CAMKMT: variants seen among roughly 807,000 people sequenced by gnomAD.
CAMKMT encodes CaM KMT.
CAMKMT carries 53 observed loss-of-function variants against 48.0 expected under a neutral mutation model. The observed-to-expected ratio is 1.10, with a 90% confidence interval of 0.89 to 1.39. The LOEUF (loss-of-function observed/expected upper bound fraction) is 1.39. Ranked by LOEUF, CAMKMT falls within the 40% of genes most tolerant of loss-of-function variation. CAMKMT has a pLI of 0.00. For synonymous variants in CAMKMT, 165 were observed against 152.3 expected (o/e 1.08, Z -0.61); for missense variants, 428 against 402.7 (o/e 1.06, Z -0.54).
intron 3 of CAMKMT, among the ~76,000 whole-genome samples, chr2:44,419,608 C>T (rs1025267107): frequency 2.6e-5 from 4 of 152,198 alleles, no homozygotes; most frequent in Admixed American, 2.6e-4. Context: ...AAAAGACAGT[C>T]TCGCTCTGTC....
In CAMKMT at chr2:44,485,102, A is replaced by G. The variant is rs140756721; in HGVS notation, c.376+94797A>G. Reference sequence around the variant, plus strand: ...ATAACGTTGAGCAATTGAAACTCATATACACTACTAATGGAAAAACCATTT... The same window carrying G: ...ATAACGTTGAGCAATTGAAACTCATGTACACTACTAATGGAAAAACCATTT... On this transcript the variant is annotated intron_variant, in intron 3 of 10. Coordinates refer to ENST00000378494, the MANE Select transcript of CAMKMT (RefSeq NM_024766.5). 2.2e-4 allele frequency among the ~76,000 whole-genome samples: 34 copies of G among 152,328 alleles called. No homozygotes were observed. The East Asian group carries it at 4.4e-3, about 20-fold the overall frequency.
chr2:44,534,431 C>T (rs1003371979), intron 3 of CAMKMT, among the ~76,000 whole-genome samples: 12 of 152,134 alleles, frequency 7.9e-5, no homozygotes, highest in Non-Finnish European at 1.8e-4. Context: ...CTCCAGAGTG[C>T]ACATTCTTCT....
At chr2:44,393,275 T>A (rs1681520778) in intron 3 of CAMKMT, 1 of 152,196 alleles carries the variant, frequency 6.6e-6, no homozygotes, top group Non-Finnish European at 1.5e-5. Context: ...TGTATTTACT[T>A]TTTTGTATAG....
chr2:44,417,456 T>C (rs1429971984), intron 3 of CAMKMT, among the ~76,000 whole-genome samples: 1 of 152,182 alleles, frequency 6.6e-6, no homozygotes, highest in Non-Finnish European at 1.5e-5. Flanking sequence ...TATTCATCTA[T>C]TGATAGACAT....
intron 3 of CAMKMT, among the ~76,000 whole-genome samples, chr2:44,465,164 T>A (rs1310833334): frequency 6.6e-6 from 1 of 152,130 alleles, no homozygotes; most frequent in Non-Finnish European, 1.5e-5. Flanking sequence ...AATGAAATAT[T>A]TATATGTGAT....
At chr2:44,564,991 C>G (rs1158844207) in intron 3 of CAMKMT, among the ~76,000 whole-genome samples, 3 of 152,216 alleles carry the variant, frequency 2.0e-5, no homozygotes, top group African/African-American at 7.2e-5. Context: ...ATTTCCAGGG[C>G]TATCCACTGT....
chr2:44,602,163 AC>A (rs1346716226), intron 3 of CAMKMT, among the ~76,000 whole-genome samples: 1 of 151,682 alleles, frequency 6.6e-6, no homozygotes, highest in African/African-American at 2.4e-5. Flanking sequence ...ACACCCCCAC[AC>A]CTGGCTGATT....
intron 3 of CAMKMT, among the ~76,000 whole-genome samples, chr2:44,607,385 A>T (rs912369615): frequency 6.6e-6 from 1 of 152,222 alleles, no homozygotes; most frequent in African/African-American, 2.4e-5. Context: ...ATGAATGTCT[A>T]AAAAGTATTT....
chr2:44,393,321 GTT>G (rs1466651600), intron 3 of CAMKMT: 1 of 152,172 alleles, frequency 6.6e-6, no homozygotes, highest in Non-Finnish European at 1.5e-5. Context: ...ACTGCAAAGT[GTT>G]TTATATTTTT....
chr2:44,496,914 T>C (rs963404849), intron 3 of CAMKMT, among the ~76,000 whole-genome samples: 6 of 152,198 alleles, frequency 3.9e-5, no homozygotes, highest in African/African-American at 1.4e-4. Flanking sequence ...GTTGGGATCA[T>C]TTGTTGCATT....
rs72879346 is a variant in CAMKMT, at chr2:44,512,083, G to A, written c.376+121778G>A. Among the ~76,000 whole-genome samples, 762 of 152,208 alleles carry A rather than the reference G, an allele frequency of 5.0e-3. 1 individual carries two copies. Among genetic ancestry groups the A allele is most frequent in the African/African-American group, 0.015 (624 of 41,530 alleles). On this transcript the variant is annotated intron_variant, in intron 3 of 10. Transcript: ENST00000378494. ...GTTCTTCCGATTGCGTCTTCCTTAC[G>A]TCAGCCATGACACTTGTAGTCACTG...
chr2:44,735,349 C>T (rs1299855381), intron 7 of CAMKMT, among the ~76,000 whole-genome samples: 1 of 152,196 alleles, frequency 6.6e-6, no homozygotes, highest in Non-Finnish European at 1.5e-5. Context: ...TTGTTTAGTA[C>T]AGTTACTGAT....
intron 3 of CAMKMT, among the ~76,000 whole-genome samples, chr2:44,408,537 G>C (rs1261763424): frequency 6.6e-6 from 1 of 152,016 alleles, no homozygotes; most frequent in South Asian, 2.1e-4. Context: ...TTCAGATGAA[G>C]AAACTGTATC....
chr2:44,605,853 A>G (rs1671250555), intron 3 of CAMKMT, among the ~76,000 whole-genome samples: 1 of 152,198 alleles, frequency 6.6e-6, no homozygotes, highest in Non-Finnish European at 1.5e-5. Flanking sequence ...ATGTTGGCAT[A>G]GAAGGAAAAA....
chr2:44,508,627 G>A (rs1465751433), intron 3 of CAMKMT, among the ~76,000 whole-genome samples: 1 of 152,162 alleles, frequency 6.6e-6, no homozygotes, highest in Non-Finnish European at 1.5e-5. Context: ...TGTAGGATGT[G>A]TAGTAAAAGG....
chr2:44,659,330 A>T (rs1257819093), intron 3 of CAMKMT, among the ~76,000 whole-genome samples: 1 of 151,864 alleles, frequency 6.6e-6, no homozygotes, highest in Non-Finnish European at 1.5e-5. Context: ...GGGAGGCTGA[A>T]GTGGAAGGAC....
At chr2:44,704,382 G>A (rs544130086) in intron 4 of CAMKMT, 39 bp downstream of exon 4, 28 of 1,344,104 alleles carry the variant, frequency 2.1e-5, no homozygotes, top group South Asian at 4.5e-5. Context: ...AGCCCATCAC[G>A]GATATTGAAT....
chr2:44,524,250 T>A (rs1671285026), intron 3 of CAMKMT, among the ~76,000 whole-genome samples: 2 of 152,216 alleles, frequency 1.3e-5, no homozygotes, highest in South Asian at 4.2e-4. Flanking sequence ...GGCTCATGTT[T>A]TAAAACCACC....
At chr2:44,486,612 A>G (rs1440807925) in intron 3 of CAMKMT, among the ~76,000 whole-genome samples, 1 of 152,218 alleles carries the variant, frequency 6.6e-6, no homozygotes, top group Non-Finnish European at 1.5e-5. Context: ...TTACCTACAC[A>G]GGATAGTGTT....
Sources: gnomAD v4.1 joint callset for allele counts (sites outside exome capture counted in the v4.1 genomes callset) on GRCh38, gnomAD v4.1.1 for gene constraint, MANE v1.5 for transcripts, NCBI Gene and HGNC (gene_info 2026-07-23, HGNC 2026-07-21) for gene names.